Variants in UTRN observed in about 807,000 individuals in gnomAD.
The protein encoded by UTRN is utrophin, also known as dystrophin-related protein 1.
A neutral mutation model predicts 463.9 loss-of-function variants in UTRN; 283 were observed. That is an observed-to-expected ratio of 0.61 (90% CI 0.55 to 0.67). The LOEUF is 0.67. Ranked by LOEUF, UTRN falls within the 30% of genes least tolerant of loss-of-function variation. The pLI is 0.00. For synonymous variants in UTRN, 1,442 were observed against 1,431.5 expected, an observed-to-expected ratio of 1.01 and a Z score of -0.17; for missense variants, 3,922 against 4,084.3, an observed-to-expected ratio of 0.96 and a Z score of 1.08.
At chr6:144,350,541 C>T (rs1778024656) in intron 2 of UTRN, among the ~76,000 whole-genome samples, 1 of 152,172 alleles carries the variant, frequency 6.6e-6, no homozygotes, top group African/African-American at 2.4e-5. Flanking sequence ...TATGCTTTTA[C>T]TGTTAAATCG....
chr6:144,695,705 A>G (rs1047666753), intron 52 of UTRN, among the ~76,000 whole-genome samples: 1 of 152,216 alleles, frequency 6.6e-6, no homozygotes, highest in Non-Finnish European at 1.5e-5. Context: ...AACAATACAT[A>G]CAATGATAAA....
chr6:144,516,670 A>T, intron 38 of UTRN, 141 bp from the exon 39 acceptor site: 1 of 691,150 alleles, frequency 1.4e-6, no homozygotes, highest in Non-Finnish European at 2.1e-6. Flanking sequence ...TAAAAAAAAC[A>T]TAAATTTTTT....
intron 3 of UTRN, 24 bp downstream of exon 3, chr6:144,403,208 C>G (rs780360285): frequency 1.2e-6 from 2 of 1,606,160 alleles, no homozygotes; most frequent in Admixed American, 1.7e-5. Flanking sequence ...TCAAAAACTT[C>G]GATGGTTCAG....
intron 2 of UTRN, among the ~76,000 whole-genome samples, chr6:144,322,860 G>A (rs1481120713): frequency 2.0e-5 from 3 of 151,578 alleles, no homozygotes; most frequent in African/African-American, 7.3e-5. Context: ...GGAGAATGGC[G>A]TGAACCTGGG....
At chr6:144,301,042 C>G (rs1805197777) in intron 2 of UTRN, among the ~76,000 whole-genome samples, 1 of 152,052 alleles carries the variant, frequency 6.6e-6, no homozygotes, top group East Asian at 1.9e-4. Context: ...TGGACTTACC[C>G]TAAAGCCCAG....
At chr6:144,620,617 T>C (rs1360792171) in intron 51 of UTRN, among the ~76,000 whole-genome samples, 1 of 152,160 alleles carries the variant, frequency 6.6e-6, no homozygotes, top group African/African-American at 2.4e-5. Flanking sequence ...TGTACATCTC[T>C]ATGTCTGTAT....
intron 51 of UTRN, among the ~76,000 whole-genome samples, chr6:144,609,253 A>T (rs768490835): frequency 6.6e-6 from 1 of 152,240 alleles, no homozygotes; most frequent in Non-Finnish European, 1.5e-5. Flanking sequence ...GAAAAAAGAT[A>T]TTTCACACAC....
chr6:144,546,348 TA>T (rs1798405436), intron 46 of UTRN, among the ~76,000 whole-genome samples: 2 of 152,198 alleles, frequency 1.3e-5, no homozygotes, highest in Non-Finnish European at 2.9e-5. Context: ...TTTACACTTG[TA>T]AAAATTATTG....
At chr6:144,424,874 T>G (rs1165767897) in intron 6 of UTRN, among the ~76,000 whole-genome samples, 1 of 152,196 alleles carries the variant, frequency 6.6e-6, no homozygotes, top group Non-Finnish European at 1.5e-5. Context: ...AATAGCATAT[T>G]GGTATAATAA....
chr6:144,640,348 A>G (rs906659866), intron 51 of UTRN, among the ~76,000 whole-genome samples: 9 of 152,268 alleles, frequency 5.9e-5, no homozygotes, highest in East Asian at 5.8e-4. Flanking sequence ...ATTAGAGAGG[A>G]CCGCCAAAGT....
intron 2 of UTRN, among the ~76,000 whole-genome samples, chr6:144,366,064 ATAT>A (rs1317256482): frequency 6.6e-6 from 1 of 152,226 alleles, no homozygotes; most frequent in Non-Finnish European, 1.5e-5. Context: ...TTAACTTAAA[ATAT>A]TATGGCAGCT....
intron 23 of UTRN, among the ~76,000 whole-genome samples, chr6:144,468,235 A>C (rs1790147741): frequency 6.6e-6 from 1 of 152,102 alleles, no homozygotes; most frequent in Admixed American, 6.5e-5. Context: ...AAATGAGGTG[A>C]GATAGGGTCA....
intron 33 of UTRN, among the ~76,000 whole-genome samples, chr6:144,495,528 C>T (rs893962122): frequency 1.3e-5 from 2 of 152,224 alleles, no homozygotes; most frequent in Admixed American, 6.5e-5. Flanking sequence ...CCTCTCCCTC[C>T]ACACCTCCCT....
intron 52 of UTRN, among the ~76,000 whole-genome samples, chr6:144,685,274 A>G (rs1782631792): frequency 2.0e-5 from 3 of 152,186 alleles, no homozygotes; most frequent in Admixed American, 2.0e-4. Context: ...TTATCCACTC[A>G]TGGATTGATG....
intron 54 of UTRN, among the ~76,000 whole-genome samples, chr6:144,731,835 A>G (rs1278006970): frequency 1.3e-5 from 2 of 151,322 alleles, no homozygotes; most frequent in East Asian, 3.9e-4. Context: ...CCAGTGGTCT[A>G]CAAATCACTC....
intron 52 of UTRN, among the ~76,000 whole-genome samples, chr6:144,690,346 C>T (rs1379161192): frequency 6.6e-6 from 1 of 151,772 alleles, no homozygotes; most frequent in Non-Finnish European, 1.5e-5. Flanking sequence ...CAGTAAGACC[C>T]ACCTAGCTTC....
At chr6:144,326,717 C>T (rs1775995347) in intron 2 of UTRN, among the ~76,000 whole-genome samples, 1 of 152,186 alleles carries the variant, frequency 6.6e-6, no homozygotes, top group Non-Finnish European at 1.5e-5. Flanking sequence ...TGGCTTCCTT[C>T]TGCTCTTCTC....
chr6:144,521,759 T>A (rs983874450), intron 39 of UTRN, among the ~76,000 whole-genome samples: 2 of 152,092 alleles, frequency 1.3e-5, no homozygotes, highest in African/African-American at 4.8e-5. Flanking sequence ...ATAACATACT[T>A]ATACTGTTTA....
intron 51 of UTRN, among the ~76,000 whole-genome samples, chr6:144,657,816 G>T (rs529572763): frequency 6.6e-6 from 1 of 152,294 alleles, no homozygotes; most frequent in South Asian, 2.1e-4. Context: ...CAGCACCCTG[G>T]GTGGTAGCTG....
Sources: gnomAD v4.1 joint callset for allele counts (sites outside exome capture counted in the v4.1 genomes callset) on GRCh38, gnomAD v4.1.1 for gene constraint, MANE v1.5 for transcripts, NCBI Gene and HGNC (gene_info 2026-07-23, HGNC 2026-07-21) for gene names.